The following ACOT11 variants were observed in gnomAD, a reference collection of about 807,000 sequenced individuals.
ACOT11 encodes the protein acyl-CoA thioesterase 11.
In ACOT11, 69 loss-of-function variants were observed where a neutral mutation model predicts 77.5. The ratio of observed to expected loss-of-function variants is 0.89; its 90% confidence interval spans 0.73 to 1.09. The LOEUF (loss-of-function observed/expected upper bound fraction) is 1.09. Ranked by LOEUF, ACOT11 falls within the 50% of genes least tolerant of loss-of-function variation. The pLI is 0.00. For missense variants in ACOT11, 766 were observed against 813.7 expected, an observed-to-expected ratio of 0.94 and a Z score of 0.71; for synonymous variants, 279 against 313.0, an observed-to-expected ratio of 0.89 and a Z score of 1.15.
At chr1:54,558,304 C>T (rs1653342855) in intron 1 of ACOT11, among the ~76,000 whole-genome samples, 1 of 152,174 alleles carries the variant, frequency 6.6e-6, no homozygotes, top group Admixed American at 6.5e-5. Flanking sequence ...CAGTAAATGC[C>T]ATACAAGTGC....
chr1:54,577,218 G>A (rs1263694049), intron 1 of ACOT11, among the ~76,000 whole-genome samples: 1 of 152,132 alleles, frequency 6.6e-6, no homozygotes, highest in Admixed American at 6.5e-5. Context: ...TCACGGTGTT[G>A]TACAACCACC....
chr1:54,612,265 G>A (rs888352320), downstream of ACOT11, among the ~76,000 whole-genome samples: 6 of 151,812 alleles, frequency 4.0e-5, no homozygotes, highest in African/African-American at 1.5e-4. Flanking sequence ...ATTTTCCAGA[G>A]GGCAGAGAAT....
intron 7 of ACOT11, 145 bp downstream of exon 7, chr1:54,597,560 T>C: frequency 9.5e-7 from 1 of 1,051,298 alleles, no homozygotes; most frequent in Non-Finnish European, 1.3e-6. Context: ...GAAATGAATT[T>C]TTGTGAACTG....
intron 15 of ACOT11, chr1:54,623,477 G>A: frequency 9.8e-7 from 1 of 1,018,898 alleles, no homozygotes; most frequent in Non-Finnish European, 1.5e-6. Flanking sequence ...CCTGTGGGAG[G>A]CAGGAGCTCC....
chr1:54,601,511 C>T (rs965587769), intron 9 of ACOT11, 98 bp downstream of exon 9: 77 of 1,510,534 alleles, frequency 5.1e-5, no homozygotes, highest in South Asian at 2.4e-4. Context: ...GACCTAGAGG[C>T]GTGAGGGGCC....
intron 1 of ACOT11, among the ~76,000 whole-genome samples, chr1:54,565,978 C>G (rs1653717760): frequency 6.6e-6 from 1 of 152,212 alleles, no homozygotes; most frequent in South Asian, 2.1e-4. Flanking sequence ...CTCCCTCCCT[C>G]CTTCCTACCT....
intron 1 of ACOT11, among the ~76,000 whole-genome samples, chr1:54,557,826 C>T (rs573111245): frequency 2.6e-4 from 39 of 152,232 alleles, no homozygotes; most frequent in African/African-American, 9.1e-4. Flanking sequence ...CAAACAGGGA[C>T]AATTTAACTT....
chr1:54,600,808 C>T (rs762761350), intron 8 of ACOT11, among the ~76,000 whole-genome samples: 7 of 152,174 alleles, frequency 4.6e-5, no homozygotes, highest in Non-Finnish European at 7.3e-5. Context: ...CTAATTAGGC[C>T]GTCCACCTCC....
chr1:54,611,054 A>G, downstream of ACOT11: 1 of 974,866 alleles, frequency 1.0e-6, no homozygotes, highest in Non-Finnish European at 1.2e-6. Context: ...CTGCTGGGCC[A>G]CATAAAAGCT....
intron 15 of ACOT11, among the ~76,000 whole-genome samples, chr1:54,620,845 CAAA>C (rs767625864): frequency 3.0e-3 from 36 of 12,126 alleles, no homozygotes; most frequent in African/African-American, 3.8e-3. Context: ...GAGACTCTGT[CAAA>C]AAAAAAAAAA....
chr1:54,548,502 C>A, intron 1 of ACOT11, 160 bp downstream of exon 1: 1 of 962,808 alleles, frequency 1.0e-6, no homozygotes, highest in Middle Eastern at 2.3e-4. Flanking sequence ...AACCCCTGGG[C>A]TGGTTTATTA....
chr1:54,589,647 G>A (rs1655539), intron 3 of ACOT11, among the ~76,000 whole-genome samples: 59,997 of 151,634 alleles, frequency 0.4, 14,169 homozygotes, highest in Non-Finnish European at 0.55. Flanking sequence ...ATTAAATTTT[G>A]TATTATTATT....
At chr1:54,598,261 A>T (rs1643913188) in intron 7 of ACOT11, 2 of 152,278 alleles carry the variant, frequency 1.3e-5, no homozygotes, top group African/African-American at 4.8e-5. Flanking sequence ...TTCAGCTGGG[A>T]CTTGAATGCC....
In ACOT11 at chr1:54,609,944, G is replaced by T; in HGVS notation, c.*832G>T. On this transcript the variant is annotated 3_prime_UTR_variant, in exon 16 of 16. Transcript: ENST00000343744. ...CAGCAGGATCATGCCTTCTGTGTCT[G>T]GAAGAGGCGGCAGAGGCAACAGTGT... The T allele has an allele frequency of 6.2e-7, 1 of 1,600,294 alleles. No homozygotes were observed. The highest frequency in any genetic ancestry group is 8.5e-7 in the Non-Finnish European group (1 of 1,176,946).
downstream of ACOT11, chr1:54,614,735 G>C (rs752211291): frequency 6.2e-7 from 1 of 1,613,972 alleles, no homozygotes; most frequent in Admixed American, 1.7e-5. Context: ...TGAGCATGTT[G>C]GGGCCCTTTA....
chr1:54,611,408 AAAT>A (rs1168008862), downstream of ACOT11, among the ~76,000 whole-genome samples: 1 of 152,118 alleles, frequency 6.6e-6, no homozygotes, highest in East Asian at 1.9e-4. Context: ...TCAAAAAAAT[AAAT>A]AAATAAAAAT....
At chr1:54,638,650 G>C (rs1227290633) in exon 17 of ACOT11, 1 of 152,108 alleles carries the variant, frequency 6.6e-6, no homozygotes, top group African/African-American at 2.4e-5. Context: ...GAGCGACTGT[G>C]CCTCTCCAGT....
chr1:54,610,518 G>A (rs1041873519), downstream of ACOT11: 21 of 1,613,436 alleles, frequency 1.3e-5, no homozygotes, highest in Non-Finnish European at 1.8e-5. Context: ...GGATCAGGCT[G>A]CCTCCCGTGT....
At chr1:54,548,540 GGGGCTGTCAGATCCCCCAC>G in intron 1 of ACOT11, 198 bp downstream of exon 1, 1 of 693,090 alleles carries the variant, frequency 1.4e-6, no homozygotes, top group Non-Finnish European at 2.4e-6. Context: ...ACAAGCCCCA[GGGGCTGTCAGATCCCCCAC>G]GGGCTGGCTG....
Sources: gnomAD v4.1 joint callset for allele counts (sites outside exome capture counted in the v4.1 genomes callset) on GRCh38, gnomAD v4.1.1 for gene constraint, MANE v1.5 for transcripts, NCBI Gene and HGNC (gene_info 2026-07-23, HGNC 2026-07-21) for gene names.